TIPARP: variants seen among roughly 807,000 people sequenced by gnomAD.
TIPARP encodes the protein protein mono-ADP-ribosyltransferase TIPARP.
In TIPARP, 12 loss-of-function variants were observed where a neutral mutation model predicts 56.5. That is an observed-to-expected ratio of 0.21 (90% CI 0.14 to 0.34). TIPARP has a LOEUF of 0.34. Ranked by LOEUF, TIPARP falls within the 10% of genes least tolerant of loss-of-function variation. The probability of loss-of-function intolerance (pLI) is 1.00; values close to 1 mark genes in which losing one functional copy is unlikely to be tolerated. For missense variants in TIPARP, 604 were observed against 781.6 expected (o/e 0.77, Z 2.71); for synonymous variants, 296 against 265.7 (o/e 1.11, Z -1.11).
In TIPARP at chr3:156,705,928, G is replaced by A. The variant is rs1722969620; in HGVS notation, c.*797G>A. On this transcript the variant is annotated 3_prime_UTR_variant, in exon 6 of 6. Coordinates refer to ENST00000295924, the MANE Select transcript of TIPARP (RefSeq NM_015508.5). ...GAGTTGGGCAGCTAATTTGGTTAAAGGCAGTCTTGAGGGTTAGAAGTATTA... is the reference window on the plus strand; with the variant it reads ...GAGTTGGGCAGCTAATTTGGTTAAAAGCAGTCTTGAGGGTTAGAAGTATTA... 6.6e-6 allele frequency: 1 copy of A among 152,640 alleles called. No homozygotes were observed. The highest frequency in any genetic ancestry group is 2.4e-5 in the African/African-American group (1 of 41,446). The allele number at this position is 152,640 out of a possible 1,614,324, so 9.5% of individuals were successfully genotyped here.
intron 2 of TIPARP, among the ~76,000 whole-genome samples, chr3:156,680,590 G>A (rs980809245): frequency 5.9e-5 from 9 of 152,136 alleles, no homozygotes; most frequent in African/African-American, 2.2e-4. Flanking sequence ...AATTGATCAG[G>A]AAGAAACTAG....
intron 2 of TIPARP, among the ~76,000 whole-genome samples, chr3:156,687,299 C>A (rs1722454493): frequency 6.6e-6 from 1 of 152,122 alleles, no homozygotes; most frequent in African/African-American, 2.4e-5. Flanking sequence ...AAAATTTAAT[C>A]CCACACTACC....
At chr3:156,677,311 G>C (rs552739189) in intron 1 of TIPARP, among the ~76,000 whole-genome samples, 2 of 152,246 alleles carry the variant, frequency 1.3e-5, no homozygotes, top group African/African-American at 4.8e-5. Context: ...TCATCATCTA[G>C]ATACAGTTAT....
chr3:156,704,810 C>G lies in TIPARP; in HGVS notation c.1653C>G (p.Val551=). ...GICKHNFDPR[V]CGKHATMFGQ... ...GCAAACACAACTTTGACCCTCGAGT[C>G]TGTGGAAAGCATGCTACAATGTTTG... The change falls in exon 6 of 6, where the codon GTC becomes GTG. Residue 551 remains valine, a synonymous_variant. Coordinates refer to ENST00000295924, the MANE Select transcript of TIPARP (RefSeq NM_015508.5). 1 of 1,614,196 alleles carries G rather than the reference C, an allele frequency of 6.2e-7. No individual in the cohort carries two copies. The highest frequency in any genetic ancestry group is 1.1e-5 in the South Asian group (1 of 91,086).
chr3:156,701,970 T>C (rs747397002), intron 4 of TIPARP, among the ~76,000 whole-genome samples: 19 of 151,090 alleles, frequency 1.3e-4, no homozygotes, highest in Non-Finnish European at 2.1e-4. Flanking sequence ...TTCCATTGTT[T>C]TAGCTTCTTG....
rs1722211418 is a variant in TIPARP, at chr3:156,678,560, A to G, written c.863A>G (p.His288Arg). Residue 288 changes from histidine to arginine, a missense_variant, in exon 2 of 6, where the codon CAC (histidine) becomes CGC (arginine). This residue lies in a region of TIPARP where 252 missense variants were observed against 303.9 expected (regional missense o/e 0.83). Coordinates refer to ENST00000295924, the MANE Select transcript of TIPARP (RefSeq NM_015508.5). The part of the protein sequence containing the change: ...WQSVFNDSQE[H>R]LERFYCNPEN... ...AGTGTATTCAATGATTCTCAGGAGC[A>G]CTTGGAAAGATTTTACTGTAACCCA... is the stretch of plus-strand genomic sequence containing the variant. 6.2e-7 allele frequency: 1 copy of G among 1,614,128 alleles called. No homozygotes were observed. The highest frequency in any genetic ancestry group is 8.5e-7 in the Non-Finnish European group (1 of 1,179,988).
intron 3 of TIPARP, 53 bp downstream of exon 3, chr3:156,694,241 TCC>T: frequency 2.7e-6 from 4 of 1,488,986 alleles, no homozygotes; most frequent in Non-Finnish European, 3.6e-6. Context: ...ATTTTTTTCT[TCC>T]TGTATTCTTT....
At chr3:156,701,801 C>T (rs943035258) in intron 4 of TIPARP, among the ~76,000 whole-genome samples, 3 of 152,196 alleles carry the variant, frequency 2.0e-5, no homozygotes, top group Non-Finnish European at 4.4e-5. Context: ...ACCAGCAGCA[C>T]TTTAAATCTC....
Position 156,703,508 on chromosome 3 carries a change from T to C in TIPARP, c.1332T>C (p.Thr444=). Residue 444 remains threonine (T), a synonymous_variant, in exon 5 of 6, where the codon ACT becomes ACC. Transcript: ENST00000295924. ...AAATTATCTGCCCAGATGGGGTCAC[T>C]TCAGCAAACTTTTACCCTGAAACTT... ...SSQIICPDGV[T]SANFYPETWV... is the part of the protein sequence containing the mutation. 6.2e-7 allele frequency: 1 copy of C among 1,614,242 alleles called. No homozygotes were observed. The highest frequency in any genetic ancestry group is 8.5e-7 in the Non-Finnish European group (1 of 1,180,038).
chr3:156,702,346 A>G (rs1197450002), intron 4 of TIPARP, among the ~76,000 whole-genome samples: 5 of 152,196 alleles, frequency 3.3e-5, no homozygotes, highest in Admixed American at 6.5e-5. Flanking sequence ...TAACCAAGTC[A>G]TCTTACAGGG....
At chr3:156,689,864 G>C (rs1055324995) in intron 2 of TIPARP, among the ~76,000 whole-genome samples, 2 of 152,118 alleles carry the variant, frequency 1.3e-5, no homozygotes, top group Non-Finnish European at 2.9e-5. Context: ...ATCCACTCTG[G>C]AACAACTCCC....
chr3:156,704,081 A>G (rs1722919061), intron 5 of TIPARP, among the ~76,000 whole-genome samples: 1 of 152,202 alleles, frequency 6.6e-6, no homozygotes, highest in African/African-American at 2.4e-5. Context: ...TGAGGAACAT[A>G]ATAGTAAACA....
chr3:156,694,381 A>G (rs1489970043), intron 3 of TIPARP, among the ~76,000 whole-genome samples, 193 bp downstream of exon 3: 2 of 152,196 alleles, frequency 1.3e-5, no homozygotes, highest in Non-Finnish European at 2.9e-5. Context: ...TCTTTCCATT[A>G]ATTTGAAATC....
chr3:156,696,286 GGAATGAGTCACA>G (rs1559975569), intron 4 of TIPARP, among the ~76,000 whole-genome samples: 1 of 152,018 alleles, frequency 6.6e-6, no homozygotes, highest in African/African-American at 2.4e-5. Flanking sequence ...AATTGTGTCT[GGAATGAGTCACA>G]GAACTTGCAT....
intron 2 of TIPARP, among the ~76,000 whole-genome samples, chr3:156,682,925 T>A (rs1471775805): frequency 6.6e-6 from 1 of 152,240 alleles, no homozygotes; most frequent in Non-Finnish European, 1.5e-5. Context: ...TTTGTACTTC[T>A]TTATGCTACT....
intron 3 of TIPARP, among the ~76,000 whole-genome samples, chr3:156,695,230 T>TTTATTTATTTTGA (rs1722682490): frequency 4.4e-5 from 1 of 22,630 alleles, no homozygotes; most frequent in African/African-American, 1.7e-4. Flanking sequence ...TTATTTATTT[T>TTTATTTATTTTGA]GAGAGAGAGG....
chr3:156,701,562 C>T (rs1722844639), intron 4 of TIPARP, among the ~76,000 whole-genome samples: 1 of 152,182 alleles, frequency 6.6e-6, no homozygotes, highest in Non-Finnish European at 1.5e-5. Context: ...ATATTCTTTG[C>T]TTCCCCGCCA....
At chr3:156,696,135 A>G in intron 4 of TIPARP, 110 bp downstream of exon 4, 1 of 1,153,180 alleles carries the variant, frequency 8.7e-7, no homozygotes, top group Non-Finnish European at 1.2e-6. Flanking sequence ...GTACTCCTAG[A>G]ATGTGAAATT....
At position 156,695,987 on chromosome 3, in the gene TIPARP, C is replaced by T; in HGVS notation, c.1209C>T (p.Pro403=). ...TCAGGAGAGAGATAAAAAGGAGACC[C>T]CTCTTCCGCTCCTGTTTTATACTGC... ...SFFRREIKRR[P]LFRSCFILLP... Residue 403 remains proline, a synonymous_variant, in exon 4 of 6, where the codon CCC becomes CCT. Coordinates refer to ENST00000295924, the MANE Select transcript of TIPARP (RefSeq NM_015508.5). The T allele has an allele frequency of 6.2e-7, 1 of 1,611,176 alleles. No homozygotes were observed. Among genetic ancestry groups the T allele is most frequent in the Non-Finnish European group, 8.5e-7 (1 of 1,179,068 alleles).
Sources: gnomAD v4.1 joint callset for allele counts (sites outside exome capture counted in the v4.1 genomes callset) on GRCh38, gnomAD v4.1.1 for gene constraint, gnomAD v4.1.1 regional missense constraint, MANE v1.5 for transcripts, NCBI Gene and HGNC (gene_info 2026-07-23, HGNC 2026-07-21) for gene names.